ZNF208: variants seen among roughly 807,000 people sequenced by gnomAD.
ZNF208 encodes the protein zinc finger protein 208.
In ZNF208, 10 loss-of-function variants were observed where a neutral mutation model predicts 12.1. The observed-to-expected ratio is 0.83, with a 90% CI of 0.51 to 1.40. The LOEUF (loss-of-function observed/expected upper bound fraction) is 1.40, where lower values mean the gene tolerates loss of function less well. Ranked by LOEUF, ZNF208 falls within the 40% of genes most tolerant of loss-of-function variation. ZNF208 has a pLI of 0.00. For synonymous variants in ZNF208, 497 were observed against 488.4 expected (o/e 1.02, Z -0.23); for missense variants, 1,652 against 1,485.0 (o/e 1.11, Z -1.85).
chr19:21,942,921 T>A (rs1246552239), intron 4 of ZNF208, among the ~76,000 whole-genome samples: 1 of 152,204 alleles, frequency 6.6e-6, no homozygotes, highest in Non-Finnish European at 1.5e-5. Flanking sequence ...AGTGCTAGGA[T>A]TACAGGTGTG....
In ZNF208 at chr19:21,974,318, C is replaced by G; in HGVS notation, c.716G>C (p.Ser239Thr). The G allele has an allele frequency of 1.2e-6, 2 of 1,613,554 alleles. No individual in the cohort carries two copies. Among genetic ancestry groups the G allele is most frequent in the Non-Finnish European group, 1.7e-6 (2 of 1,179,754 alleles). Residue 239 changes from serine to threonine, a missense_variant, in exon 4 of 4, where the codon AGT becomes ACT. By Grantham distance (58) the Ser-to-Thr change is moderately conservative. This residue lies in a region of ZNF208 where 410 missense variants were observed against 378.2 expected (regional missense o/e 1.08). Transcript: ENST00000397126. ...ATGTTTAGTAAGGATTGAGAACTTA[C>G]TAAAGGCTTTGCCACATTCTTTACA... ...YRCKECGKAF[S>T]KFSILTKHKV...
chr19:21,947,307 T>C (rs1335445970), intron 4 of ZNF208, among the ~76,000 whole-genome samples: 1 of 152,206 alleles, frequency 6.6e-6, no homozygotes, highest in Non-Finnish European at 1.5e-5. Flanking sequence ...CTCAGCACTA[T>C]CCAATGAATC....
At chr19:21,993,614 GA>G in intron 1 of ZNF208, among the ~76,000 whole-genome samples, 1 of 152,276 alleles carries the variant, frequency 6.6e-6, no homozygotes, top group African/African-American at 2.4e-5. Flanking sequence ...TGCAGGTATG[GA>G]AAGGGTCCAT....
In ZNF208 at chr19:21,969,119, C is replaced by A. The variant is rs918955387; in HGVS notation, c.*2072G>T. Among the ~76,000 whole-genome samples the A allele has an allele frequency of 6.6e-6, 1 of 152,006 alleles. No individual in the cohort carries two copies. The highest frequency in any genetic ancestry group is 1.9e-4 in the East Asian group (1 of 5,168). ...GAATGGCATGAACCTGGAAGCTAGA[C>A]CTTGGCTAATTTCTTTATTTCTTTT... On this transcript the variant is annotated 3_prime_UTR_variant, in exon 4 of 4. Coordinates refer to ENST00000397126, the MANE Select transcript of ZNF208 (RefSeq NM_007153.3).
chr19:21,987,335 A>T, intron 2 of ZNF208, 24 bp from the exon 3 acceptor site: 27 of 1,594,396 alleles, frequency 1.7e-5, no homozygotes, highest in Non-Finnish European at 2.3e-5. Flanking sequence ...AATGAACAAC[A>T]TGCTTCTTGC....
rs1970237692 is a variant in ZNF208 at position 21,969,464 on chromosome 19, TC to T, written c.*1726del. Among the ~76,000 whole-genome samples the T allele has an allele frequency of 6.6e-6, 1 of 152,214 alleles. No homozygotes were observed. The highest frequency in any genetic ancestry group is 1.5e-5 in the Non-Finnish European group (1 of 68,040). Reference sequence around the variant, plus strand: ...ATCTGAAGTTTGAGTGACAGGTATTTCTACTGTGAATTAGCTGATATTTACA... The same window carrying T: ...ATCTGAAGTTTGAGTGACAGGTATTTTACTGTGAATTAGCTGATATTTACA... On this transcript the variant is annotated 3_prime_UTR_variant, in exon 4 of 4. Coordinates refer to ENST00000397126, the MANE Select transcript of ZNF208 (RefSeq NM_007153.3).
At chr19:21,965,976 A>G (rs1970158070), downstream of ZNF208, 1 of 152,076 alleles carries the variant, frequency 6.6e-6, no homozygotes, top group African/African-American at 2.4e-5. Flanking sequence ...AGGTTAGCTT[A>G]TAAAATGTGA....
intron 3 of ZNF208, among the ~76,000 whole-genome samples, chr19:21,984,176 GT>G (rs1372573700): frequency 6.6e-6 from 1 of 152,018 alleles, no homozygotes; most frequent in Non-Finnish European, 1.5e-5. Context: ...GTCTTACCAA[GT>G]TTTTTAAAAC....
intron 1 of ZNF208, among the ~76,000 whole-genome samples, chr19:22,003,928 G>C (rs183676310): frequency 6.6e-6 from 1 of 151,936 alleles, no homozygotes; most frequent in Non-Finnish European, 1.5e-5. Flanking sequence ...CCAGCACTTC[G>C]GGGGATGAGC....
At chr19:21,988,699 C>A (rs951824337) in intron 2 of ZNF208, 84 bp downstream of exon 2, 2 of 1,606,304 alleles carry the variant, frequency 1.2e-6, no homozygotes, top group Admixed American at 1.7e-5. Context: ...TCACATTCAT[C>A]CTCCGTTGTT....
intron 1 of ZNF208, 63 bp downstream of exon 1, chr19:22,010,729 A>C (rs1456489270): frequency 5.6e-6 from 9 of 1,613,868 alleles, no homozygotes; most frequent in Non-Finnish European, 7.6e-6. Context: ...CGCCACAGCC[A>C]CTTCCCACCG....
At chr19:22,005,224 T>G (rs1971023942) in intron 1 of ZNF208, among the ~76,000 whole-genome samples, 1 of 151,872 alleles carries the variant, frequency 6.6e-6, no homozygotes, top group African/African-American at 2.4e-5. Flanking sequence ...CAGAGAGGAG[T>G]GTGGACACAT....
chr19:22,007,897 G>C lies in ZNF208; in HGVS notation c.3+2895C>G, dbSNP rs548872704. ...CAGGCACCTGTAGTCCCAGCTACTT[G>C]GGAGGCTGAGGCATAAGAATCACTT... On this transcript the variant is annotated intron_variant, in intron 1 of 3. Coordinates refer to ENST00000397126, the MANE Select transcript of ZNF208 (RefSeq NM_007153.3). Among the ~76,000 whole-genome samples the C allele has an allele frequency of 3.9e-4, 59 of 151,110 alleles. 1 individual carries two copies. In the East Asian group the frequency reaches 0.011, roughly 28 times the overall value.
chr19:21,941,209 T>G (rs748029744), intron 4 of ZNF208: 1 of 397,148 alleles, frequency 2.5e-6, no homozygotes, highest in Non-Finnish European at 4.4e-6. Flanking sequence ...CTCCTCAAAG[T>G]GGAGCAGCAA....
intron 1 of ZNF208, among the ~76,000 whole-genome samples, chr19:21,990,462 T>C (rs1039365887): frequency 6.6e-6 from 1 of 151,896 alleles, no homozygotes; most frequent in African/African-American, 2.4e-5. Context: ...ATCTCTGTTT[T>C]GGTACCAGTA....
chr19:21,965,468 G>C (rs1257205659), downstream of ZNF208, among the ~76,000 whole-genome samples: 2 of 152,002 alleles, frequency 1.3e-5, no homozygotes, highest in African/African-American at 4.8e-5. Context: ...AAATGTCTGA[G>C]CATATTCACT....
At chr19:21,984,557 A>C (rs2145563374) in intron 3 of ZNF208, among the ~76,000 whole-genome samples, 1 of 152,036 alleles carries the variant, frequency 6.6e-6, no homozygotes, top group East Asian at 1.9e-4. Flanking sequence ...GTCTCAAAAA[A>C]ACAAAAACAA....
downstream of ZNF208, among the ~76,000 whole-genome samples, chr19:21,965,417 C>A (rs907297134): frequency 6.6e-6 from 1 of 152,018 alleles, no homozygotes; most frequent in Non-Finnish European, 1.5e-5. Flanking sequence ...AGAAATGCCA[C>A]ACCTTGATTG....
chr19:21,974,011 G>C lies in ZNF208; in HGVS notation c.1023C>G (p.Tyr341Ter), dbSNP rs1409594022. Residue 341 changes from tyrosine (Y) to a stop codon, truncating the protein, a stop_gained, in exon 4 of 4, where the codon TAC becomes TAG. Transcript: ENST00000397126. LOFTEE classifies it low-confidence loss of function (END_TRUNC). ...AGGCTTTGCCACATTCTTTACATTT[G>C]TAGGGCTTCTCTCCAGCATGAATTG... is the stretch of plus-strand genomic sequence containing the variant. ...HKAIHAGEKP[Y>*]KCKECGKAFS... 1 of 1,385,044 alleles carries C rather than the reference G, an allele frequency of 7.2e-7. No individual in the cohort carries two copies. The highest frequency in any genetic ancestry group is 1.5e-5 in the African/African-American group (1 of 68,454). The allele number at this position is 1,385,044 out of a possible 1,614,324, so 85.8% of individuals were successfully genotyped here. A position where few individuals can be genotyped will look rare whatever the true frequency, so the allele number is the denominator to read the frequency against.
Sources: gnomAD v4.1 joint callset for allele counts (sites outside exome capture counted in the v4.1 genomes callset) on GRCh38, gnomAD v4.1.1 for gene constraint, gnomAD v4.1.1 regional missense constraint, MANE v1.5 for transcripts, NCBI Gene and HGNC (gene_info 2026-07-23, HGNC 2026-07-21) for gene names.